FRMD4A: variants seen among roughly 807,000 people sequenced by gnomAD.
FRMD4A encodes FERM domain-containing protein 4A.
FRMD4A carries 29 observed loss-of-function variants against 129.1 expected under a neutral mutation model. The ratio of observed to expected loss-of-function variants is 0.22; its 90% CI spans 0.17 to 0.31. The LOEUF (loss-of-function observed/expected upper bound fraction) is 0.31, where lower values mean the gene tolerates loss of function less well. Ranked by LOEUF, FRMD4A falls within the 10% of genes least tolerant of loss-of-function variation. FRMD4A has a pLI of 1.00. For missense variants in FRMD4A, 1,272 were observed against 1,375.8 expected (o/e 0.92, Z 1.19); for synonymous variants, 634 against 571.6 (o/e 1.11, Z -1.56).
intron 24 of FRMD4A, chr10:13,647,732 C>CTTTTTT (rs35759840): frequency 7.2e-6 from 1 of 138,894 alleles, no homozygotes; most frequent in Non-Finnish European, 1.5e-5. Flanking sequence ...AAATAAAAGG[C>CTTTTTT]TTTTTTTTTT....
intron 2 of FRMD4A, among the ~76,000 whole-genome samples, chr10:14,225,470 T>C (rs1328182727): frequency 1.3e-5 from 2 of 152,204 alleles, no homozygotes; most frequent in Non-Finnish European, 1.5e-5. Flanking sequence ...TTGCATGAAG[T>C]GGGTCATCTA....
At chr10:14,272,301 C>A (rs1845187645) in intron 2 of FRMD4A, among the ~76,000 whole-genome samples, 1 of 152,126 alleles carries the variant, frequency 6.6e-6, no homozygotes, top group Non-Finnish European at 1.5e-5. Context: ...TCCCCCACAA[C>A]CATTGGCCAG....
rs554879668 is a variant in FRMD4A at position 13,711,830 on chromosome 10, A to C, written c.760-4717T>G. The C allele has an allele frequency of 4.6e-5, 7 of 152,326 alleles. No homozygotes were observed. The South Asian group carries it at 1.5e-3, about 32-fold the overall frequency. The allele number at this position is 152,326 out of a possible 1,614,324, so 9.4% of individuals were successfully genotyped here. On this transcript the variant is annotated intron_variant, in intron 12 of 24. Transcript: ENST00000357447. Reference sequence around the variant, plus strand: ...CAGAGAAATTAAGGAAAACTGCCTAAGGCCACACAGCAAGTAAGTGAAGGA... The same window carrying C: ...CAGAGAAATTAAGGAAAACTGCCTACGGCCACACAGCAAGTAAGTGAAGGA...
rs181609918 is a variant in FRMD4A, at chr10:13,688,053, G to A, written c.1117+5845C>T. On this transcript the variant is annotated intron_variant, in intron 15 of 24. Coordinates refer to ENST00000357447, the MANE Select transcript of FRMD4A (RefSeq NM_018027.5). Reference sequence around the variant, plus strand: ...AGCCTTAACCAATCACTTTAACTACGCTGAAATCATCTGCCATTGAGTCAT... The same window carrying A: ...AGCCTTAACCAATCACTTTAACTACACTGAAATCATCTGCCATTGAGTCAT... Among the ~76,000 whole-genome samples, 209 of 152,202 alleles carry A rather than the reference G, an allele frequency of 1.4e-3. 5 individuals are homozygous for A. The highest frequency in any genetic ancestry group is 2.9e-4 in the Non-Finnish European group (20 of 68,002).
intron 4 of FRMD4A, among the ~76,000 whole-genome samples, chr10:13,804,935 T>A (rs1454477017): frequency 6.6e-6 from 1 of 152,072 alleles, no homozygotes; most frequent in Non-Finnish European, 1.5e-5. Flanking sequence ...TTAATTAGGA[T>A]ACAGTCTGCT....
intron 3 of FRMD4A, among the ~76,000 whole-genome samples, chr10:13,841,950 C>T (rs192442154): frequency 6.6e-6 from 1 of 152,288 alleles, no homozygotes; most frequent in Non-Finnish European, 1.5e-5. Context: ...GTGAAATCTG[C>T]ATTAATTCCA....
chr10:13,915,669 CAAAA>C (rs68011803), intron 2 of FRMD4A, among the ~76,000 whole-genome samples: 2 of 122,036 alleles, frequency 1.6e-5, no homozygotes, highest in Admixed American at 8.4e-5. Flanking sequence ...GACTCTATCT[CAAAA>C]AAAAAAAAAA....
intron 8 of FRMD4A, among the ~76,000 whole-genome samples, chr10:13,757,609 G>C (rs932643365): frequency 6.6e-6 from 1 of 152,226 alleles, no homozygotes; most frequent in Admixed American, 6.5e-5. Flanking sequence ...AAGCCTTCAG[G>C]CATCTGCTGA....
intron 3 of FRMD4A, among the ~76,000 whole-genome samples, chr10:13,830,303 G>A (rs1479847701): frequency 6.6e-6 from 1 of 152,206 alleles, no homozygotes; most frequent in East Asian, 1.9e-4. Context: ...AAGAGATTTT[G>A]TTGTCTGGGC....
At chr10:13,754,703 A>T (rs2091781959) in intron 8 of FRMD4A, among the ~76,000 whole-genome samples, 1 of 151,754 alleles carries the variant, frequency 6.6e-6, no homozygotes. Flanking sequence ...TAACAGATCA[A>T]CTTTTTTTTT....
At chr10:13,846,050 AAC>A (rs1335443182) in intron 3 of FRMD4A, among the ~76,000 whole-genome samples, 3 of 152,210 alleles carry the variant, frequency 2.0e-5, no homozygotes, top group Non-Finnish European at 2.9e-5. Flanking sequence ...TGGGAATAAT[AAC>A]AGTTACCTAC....
intron 2 of FRMD4A, among the ~76,000 whole-genome samples, chr10:14,066,984 C>T (rs560070491): frequency 6.6e-6 from 1 of 152,134 alleles, no homozygotes; most frequent in African/African-American, 2.4e-5. Flanking sequence ...CATGAGAGCT[C>T]ATACACAAAC....
chr10:13,749,904 T>TA (rs964449559), intron 8 of FRMD4A, among the ~76,000 whole-genome samples: 2 of 150,174 alleles, frequency 1.3e-5, no homozygotes, highest in African/African-American at 4.9e-5. Flanking sequence ...CAGTAAGCTG[T>TA]AATTGCAACA....
chr10:13,884,124 ACACACACGCT>A (rs2094579128), intron 2 of FRMD4A, among the ~76,000 whole-genome samples: 5 of 85,890 alleles, frequency 5.8e-5, no homozygotes, highest in Non-Finnish European at 9.0e-5. Context: ...ACACACACTC[ACACACACGCT>A]CACACACACT....
chr10:14,092,582 C>A (rs1366143387), intron 2 of FRMD4A, among the ~76,000 whole-genome samples: 1 of 152,206 alleles, frequency 6.6e-6, no homozygotes, highest in Non-Finnish European at 1.5e-5. Context: ...CACATAGTAA[C>A]CTTCCATCAG....
intron 15 of FRMD4A, among the ~76,000 whole-genome samples, chr10:13,678,382 C>T (rs1230296871): frequency 2.6e-5 from 4 of 152,256 alleles, no homozygotes; most frequent in Non-Finnish European, 4.4e-5. Flanking sequence ...CTTGGACATG[C>T]AGATTTCCAC....
intron 2 of FRMD4A, among the ~76,000 whole-genome samples, chr10:14,097,628 G>GAT (rs1166593263): frequency 1.3e-5 from 2 of 151,860 alleles, no homozygotes; most frequent in Non-Finnish European, 2.9e-5. Context: ...TATACTTATA[G>GAT]ATATATTATG....
At chr10:13,889,390 C>A (rs992437845) in intron 2 of FRMD4A, among the ~76,000 whole-genome samples, 1 of 152,234 alleles carries the variant, frequency 6.6e-6, no homozygotes, top group African/African-American at 2.4e-5. Flanking sequence ...TCCCTTTGAC[C>A]TCAGGCTATA....
intron 2 of FRMD4A, among the ~76,000 whole-genome samples, chr10:14,087,133 G>A (rs889629972): frequency 6.6e-6 from 1 of 151,690 alleles, no homozygotes; most frequent in Non-Finnish European, 1.5e-5. Flanking sequence ...TTTGGTGTGT[G>A]TGGGCACAGC....
Sources: allele counts gnomAD v4.1 joint callset (sites outside exome capture counted in the v4.1 genomes callset), GRCh38; gene constraint gnomAD v4.1.1; transcripts MANE v1.5; gene names NCBI Gene and HGNC (gene_info 2026-07-23, HGNC 2026-07-21).